Variants in PARD3 observed in about 807,000 individuals in gnomAD.
PARD3 encodes the protein par-3 family cell polarity regulator.
A neutral mutation model predicts 155.4 loss-of-function variants in PARD3; 75 were observed. The ratio of observed to expected loss-of-function variants is 0.48; its 90% CI spans 0.40 to 0.58. The LOEUF (loss-of-function observed/expected upper bound fraction) is 0.58, where lower values mean the gene tolerates loss of function less well. Among genes scored for constraint, PARD3 ranks in the 20% least tolerant of loss-of-function variants. The pLI is 0.00. For missense variants in PARD3, 1,642 were observed against 1,721.7 expected (o/e 0.95, Z 0.82); for synonymous variants, 576 against 610.5 (o/e 0.94, Z 0.83).
At chr10:34,782,031 G>T (rs754535590) in intron 1 of PARD3, among the ~76,000 whole-genome samples, 8 of 152,212 alleles carry the variant, frequency 5.3e-5, no homozygotes, top group East Asian at 1.9e-4. Context: ...CAGCTGCAAT[G>T]ATTTTTTAGA....
rs78410243 is a variant in PARD3, at chr10:34,110,710, C to A, written c.*459G>T. ...GGCTGTGCTGTGAAGTACCAGAAAG[C>A]CCCAATTTTTGGTGTATGTCGCCCA... On this transcript the variant is annotated 3_prime_UTR_variant, in exon 25 of 25. Transcript: ENST00000374788. 0.01 allele frequency: 1,567 copies of A among 153,344 alleles called. 23 individuals are homozygous for A. Among genetic ancestry groups the A allele is most frequent in the African/African-American group, 0.035 (1,444 of 41,542 alleles). The allele number at this position is 153,344 out of a possible 1,614,324, so 9.5% of individuals were successfully genotyped here. A position where few individuals can be genotyped will look rare whatever the true frequency, so the allele number is the denominator to read the frequency against.
rs201462987 is a variant in PARD3, at chr10:34,341,738, A to C, written c.2297T>G (p.Leu766Arg). Residue 766 changes from leucine (L) to arginine (R), a missense_variant, in exon 16 of 25, where the codon CTT becomes CGT. Physicochemically the swap from Leu to Arg is moderately radical, Grantham distance 102 (BLOSUM62 -2). Coordinates refer to ENST00000374788, the MANE Select transcript of PARD3 (RefSeq NM_001184785.2). ...VIIEDDRLPV[L>R]PPHLSDQSSS... Reference sequence around the variant, plus strand: ...GGACTGGTCAGAGAGATGTGGAGGAAGCACTGGCAACCTGTCATCTTCTAT... The same window carrying C: ...GGACTGGTCAGAGAGATGTGGAGGACGCACTGGCAACCTGTCATCTTCTAT... The C allele has an allele frequency of 2.2e-5, 36 of 1,613,516 alleles. 1 individual carries two copies. Among genetic ancestry groups the C allele is most frequent in the Non-Finnish European group, 2.8e-5 (33 of 1,179,582 alleles).
At chr10:34,581,752 G>A (rs1032105641) in intron 2 of PARD3, among the ~76,000 whole-genome samples, 1 of 152,172 alleles carries the variant, frequency 6.6e-6, no homozygotes, top group African/African-American at 2.4e-5. Flanking sequence ...TCTTGGTGTA[G>A]AGTTGAACCA....
chr10:34,558,280 G>T (rs1358315028), intron 2 of PARD3, among the ~76,000 whole-genome samples: 1 of 152,156 alleles, frequency 6.6e-6, no homozygotes, highest in East Asian at 1.9e-4. Context: ...AATTTGAGTG[G>T]ATGCTGTTAC....
chr10:34,134,498 C>T (rs149773085), intron 22 of PARD3, among the ~76,000 whole-genome samples: 24 of 152,274 alleles, frequency 1.6e-4, no homozygotes, highest in African/African-American at 5.5e-4. Flanking sequence ...TCTGTTTTCC[C>T]GACAAAGGGA....
At chr10:34,701,617 A>AG (rs2094280797) in intron 1 of PARD3, among the ~76,000 whole-genome samples, 1 of 152,172 alleles carries the variant, frequency 6.6e-6, no homozygotes, top group Non-Finnish European at 1.5e-5. Flanking sequence ...GGAAGGGGCC[A>AG]GGCACGGTAG....
chr10:34,481,195 G>T (rs533212343), intron 3 of PARD3, among the ~76,000 whole-genome samples: 1 of 114,024 alleles, frequency 8.8e-6, no homozygotes, highest in Non-Finnish European at 1.6e-5. Context: ...TCCAACAGTT[G>T]TTTTATTTAT....
At chr10:34,346,414 C>A (rs147172090) in intron 15 of PARD3, 1 of 1,345,482 alleles carries the variant, frequency 7.4e-7, no homozygotes, top group East Asian at 4.7e-5. Flanking sequence ...AACTGGTGGA[C>A]CAATGGTCTG....
chr10:34,726,089 C>G (rs1238834689), intron 1 of PARD3, among the ~76,000 whole-genome samples: 1 of 152,200 alleles, frequency 6.6e-6, no homozygotes, highest in South Asian at 2.1e-4. Context: ...TCAACAGATG[C>G]CATATAACTT....
chr10:34,798,051 A>G (rs143243313), intron 1 of PARD3, among the ~76,000 whole-genome samples: 2 of 152,254 alleles, frequency 1.3e-5, no homozygotes, highest in East Asian at 3.9e-4. Context: ...TGGATATGGT[A>G]GCTCACCCCT....
At chr10:34,559,765 G>C (rs537981822) in intron 2 of PARD3, among the ~76,000 whole-genome samples, 1 of 148,948 alleles carries the variant, frequency 6.7e-6, no homozygotes, top group Non-Finnish European at 1.5e-5. Context: ...CCAGGACAGC[G>C]ATATAATTTG....
chr10:34,767,351 C>T (rs1333447711), intron 1 of PARD3, among the ~76,000 whole-genome samples: 1 of 152,094 alleles, frequency 6.6e-6, no homozygotes, highest in East Asian at 1.9e-4. Flanking sequence ...GGAAGCGTCG[C>T]TACCTGAGAA....
intron 5 of PARD3, among the ~76,000 whole-genome samples, chr10:34,433,445 CTCTT>C (rs2076043963): frequency 6.6e-6 from 1 of 152,164 alleles, no homozygotes. Context: ...AAATATGTTT[CTCTT>C]TCTAAGAGTT....
intron 2 of PARD3, among the ~76,000 whole-genome samples, chr10:34,685,975 C>G (rs1458326454): frequency 6.6e-6 from 1 of 152,132 alleles, no homozygotes; most frequent in African/African-American, 2.4e-5. Context: ...TCTGGGATCC[C>G]CACCCTGCAA....
chr10:34,621,315 G>C (rs540923814), intron 2 of PARD3, among the ~76,000 whole-genome samples: 10 of 152,068 alleles, frequency 6.6e-5, no homozygotes, highest in Non-Finnish European at 1.5e-4. Context: ...TCGTGTTTCA[G>C]CCTTCTGATT....
At chr10:34,240,335 C>A (rs984829151) in intron 22 of PARD3, among the ~76,000 whole-genome samples, 1 of 152,164 alleles carries the variant, frequency 6.6e-6, no homozygotes, top group East Asian at 1.9e-4. Flanking sequence ...GTGCAAATAA[C>A]TGTATGTGTC....
chr10:34,197,749 G>A (rs1951015170), intron 22 of PARD3, among the ~76,000 whole-genome samples: 1 of 152,094 alleles, frequency 6.6e-6, no homozygotes, highest in Admixed American at 6.5e-5. Flanking sequence ...TATTTATTTT[G>A]AGACACAGTC....
rs1027126659 is a variant in PARD3 at position 34,346,480 on chromosome 10, C to T, written c.2218+1485G>A. 15 of 1,345,912 alleles carry T rather than the reference C, an allele frequency of 1.1e-5. 1 individual carries two copies. Among genetic ancestry groups the T allele is most frequent in the Non-Finnish European group, 1.3e-5 (13 of 1,011,246 alleles). The allele number at this position is 1,345,912 out of a possible 1,614,324, so 83.4% of individuals were successfully genotyped here. ...ATAAAGGGGAAATTACAGCATATCA[C>T]TTTGTGTGCACAAATATCTAGGGAC... On this transcript the variant is annotated intron_variant, in intron 15 of 24. Coordinates refer to ENST00000374788, the MANE Select transcript of PARD3 (RefSeq NM_001184785.2).
intron 22 of PARD3, among the ~76,000 whole-genome samples, chr10:34,196,090 C>T (rs1950919892): frequency 6.6e-6 from 1 of 152,216 alleles, no homozygotes; most frequent in Non-Finnish European, 1.5e-5. Flanking sequence ...ACTTCTGCCA[C>T]TTAATTTGCT....
Sources: gnomAD v4.1 joint callset for allele counts (sites outside exome capture counted in the v4.1 genomes callset) on GRCh38, gnomAD v4.1.1 for gene constraint, MANE v1.5 for transcripts, NCBI Gene and HGNC (gene_info 2026-07-23, HGNC 2026-07-21) for gene names.